CTNNBL1: variants seen among roughly 807,000 people sequenced by gnomAD.
CTNNBL1 encodes catenin beta like 1.
Under a neutral mutation model 72.7 loss-of-function variants are expected in CTNNBL1, and 31 were observed. The ratio of observed to expected loss-of-function variants is 0.43; its 90% CI spans 0.32 to 0.58. The LOEUF is 0.58. Among genes scored for constraint, CTNNBL1 ranks in the 20% least tolerant of loss-of-function variants. CTNNBL1 has a pLI of 0.08. For synonymous variants in CTNNBL1, 240 were observed against 267.3 expected (o/e 0.90, Z 1.00); for missense variants, 534 against 725.1 (o/e 0.74, Z 3.03).
rs77158599 is a variant in CTNNBL1, at chr20:37,729,709, G to A, written c.31-3170G>A. ...CTTGAAAGAATTAGTGTTCCCAGAG[G>A]GCTGAAGTTCCTTACCTGCTGAGGA... On this transcript the variant is annotated intron_variant, in intron 1 of 15. Transcript: ENST00000361383. 3.9e-3 allele frequency among the ~76,000 whole-genome samples: 590 copies of A among 152,210 alleles called. 4 individuals are homozygous for A. Among genetic ancestry groups the A allele is most frequent in the African/African-American group, 0.013 (559 of 41,526 alleles).
At chr20:37,694,572 C>T (rs188121547) in intron 1 of CTNNBL1, among the ~76,000 whole-genome samples, 251 of 152,220 alleles carry the variant, frequency 1.6e-3, no homozygotes, top group African/African-American at 5.7e-3. Context: ...ACAAGTCATT[C>T]CCCCCCTCTT....
At chr20:37,821,680 AATCTATTG>A (rs1401636261) in intron 11 of CTNNBL1, among the ~76,000 whole-genome samples, 1 of 152,244 alleles carries the variant, frequency 6.6e-6, no homozygotes, top group Non-Finnish European at 1.5e-5. Flanking sequence ...TTAGCAATAG[AATCTATTG>A]ATAGTTCAGC....
chr20:37,844,423 ACT>A (rs923869992), intron 13 of CTNNBL1, among the ~76,000 whole-genome samples: 52 of 152,222 alleles, frequency 3.4e-4, no homozygotes, highest in African/African-American at 1.3e-3. Context: ...ACGTTTGGTA[ACT>A]CTGCCATTTT....
chr20:37,869,433 G>A (rs930764548), intron 15 of CTNNBL1, among the ~76,000 whole-genome samples: 2 of 152,232 alleles, frequency 1.3e-5, no homozygotes, highest in Non-Finnish European at 2.9e-5. Flanking sequence ...AGGGACCAGG[G>A]GGCAGAAGTG....
intron 11 of CTNNBL1, among the ~76,000 whole-genome samples, chr20:37,834,181 T>C (rs1199224925): frequency 6.6e-6 from 1 of 152,058 alleles, no homozygotes; most frequent in Non-Finnish European, 1.5e-5. Context: ...CATTTTTCTC[T>C]TTGAAAATTA....
At chr20:37,809,786 G>T (rs1359002735) in intron 11 of CTNNBL1, among the ~76,000 whole-genome samples, 1 of 152,174 alleles carries the variant, frequency 6.6e-6, no homozygotes, top group Non-Finnish European at 1.5e-5. Flanking sequence ...TGAAATTGTT[G>T]TTTGGCATTT....
At chr20:37,757,717 C>A in intron 5 of CTNNBL1, 61 bp downstream of exon 5, 2 of 1,295,272 alleles carry the variant, frequency 1.5e-6, no homozygotes, top group South Asian at 1.2e-5. Context: ...TTGCCACCAC[C>A]ATCGTCTCGG....
At chr20:37,854,123 T>C (rs2072418984) in intron 13 of CTNNBL1, among the ~76,000 whole-genome samples, 1 of 152,226 alleles carries the variant, frequency 6.6e-6, no homozygotes, top group South Asian at 2.1e-4. Context: ...CATTGAACAT[T>C]GTCAGAGTCT....
intron 13 of CTNNBL1, among the ~76,000 whole-genome samples, chr20:37,851,256 G>A (rs6021353): frequency 1.1e-4 from 16 of 151,932 alleles, no homozygotes; most frequent in African/African-American, 3.9e-4. Flanking sequence ...TACCATCTAA[G>A]TTTTTATTCT....
At chr20:37,776,219 C>A (rs910109881) in intron 7 of CTNNBL1, among the ~76,000 whole-genome samples, 3 of 152,172 alleles carry the variant, frequency 2.0e-5, no homozygotes, top group African/African-American at 7.2e-5. Context: ...ATCTTTTAAC[C>A]TAAGATGGTC....
intron 10 of CTNNBL1, 57 bp from the exon 11 acceptor site, chr20:37,802,810 T>C: frequency 2.1e-6 from 3 of 1,436,454 alleles, no homozygotes; most frequent in East Asian, 2.3e-5. Flanking sequence ...CTTTTTTTTT[T>C]TTAAGCTCTA....
intron 13 of CTNNBL1, among the ~76,000 whole-genome samples, chr20:37,856,828 C>T (rs1015146985): frequency 3.9e-5 from 6 of 152,132 alleles, no homozygotes; most frequent in African/African-American, 9.7e-5. Context: ...TGACTTCCAC[C>T]GACCTCTTCA....
At chr20:37,793,204 C>T (rs1052963441) in intron 10 of CTNNBL1, among the ~76,000 whole-genome samples, 4 of 152,068 alleles carry the variant, frequency 2.6e-5, no homozygotes, top group Non-Finnish European at 4.4e-5. Context: ...CTTATTCTAT[C>T]GATTATTGAG....
chr20:37,752,226 G>C (rs1416745807), intron 4 of CTNNBL1, among the ~76,000 whole-genome samples: 1 of 152,036 alleles, frequency 6.6e-6, no homozygotes, highest in East Asian at 1.9e-4. Context: ...CATTTAAGAA[G>C]GACTTAATAA....
chr20:37,710,670 A>ATTTGGGGTG (rs2072929578), intron 1 of CTNNBL1, among the ~76,000 whole-genome samples: 2 of 152,130 alleles, frequency 1.3e-5, no homozygotes, highest in African/African-American at 4.8e-5. Context: ...TAGGGGCTTA[A>ATTTGGGGTG]CCTGGCCTTC....
chr20:37,786,097 C>G (rs1187192800), intron 10 of CTNNBL1, among the ~76,000 whole-genome samples: 2 of 151,810 alleles, frequency 1.3e-5, no homozygotes, highest in Non-Finnish European at 2.9e-5. Context: ...TGACTTTTCC[C>G]CAAACACGTG....
chr20:37,702,362 T>C (rs535355045), intron 1 of CTNNBL1, among the ~76,000 whole-genome samples: 1 of 152,342 alleles, frequency 6.6e-6, no homozygotes, highest in Admixed American at 6.5e-5. Flanking sequence ...AATTGAGTTT[T>C]TCTGTTATAT....
Position 37,757,856 on chromosome 20 carries a change from G to C in CTNNBL1, c.564+200G>C, listed in dbSNP as rs543418048. Among the ~76,000 whole-genome samples, 6 of 152,250 alleles carry C rather than the reference G, an allele frequency of 3.9e-5. No individual in the cohort carries two copies. In the South Asian group the frequency reaches 1.2e-3, roughly 32 times the overall value. ...TGCTTTGGGACTGTGTCAGGTAGAG[G>C]CCTCGCCCTTATTAAGTCTCTGCTG... On this transcript the variant is annotated intron_variant, in intron 5 of 15. Transcript: ENST00000361383.
intron 13 of CTNNBL1, 144 bp downstream of exon 13, chr20:37,842,563 A>C (rs2072313815): frequency 3.0e-6 from 2 of 662,536 alleles, no homozygotes; most frequent in Non-Finnish European, 5.5e-6. Flanking sequence ...ATGGTCTGCC[A>C]AGTGGTTACG....
Sources: allele counts gnomAD v4.1 joint callset (sites outside exome capture counted in the v4.1 genomes callset), GRCh38; gene constraint gnomAD v4.1.1; transcripts MANE v1.5; gene names NCBI Gene and HGNC (gene_info 2026-07-23, HGNC 2026-07-21).